GJB6: variants seen among roughly 807,000 people sequenced by gnomAD.
The protein encoded by GJB6 is gap junction beta-6 protein.
In GJB6, 5 loss-of-function variants were observed where a neutral mutation model predicts 5.4. The observed-to-expected ratio is 0.92, with a 90% CI of 0.48 to 1.93. The LOEUF (loss-of-function observed/expected upper bound fraction) is 1.93, where lower values mean the gene tolerates loss of function less well. Ranked by LOEUF, GJB6 falls within the 30% of genes most tolerant of loss-of-function variation. The pLI is 0.01. For missense variants in GJB6, 298 were observed against 326.9 expected (o/e 0.91, Z 0.68); for synonymous variants, 136 against 129.6 (o/e 1.05, Z -0.34).
rs1355233247 is a variant in GJB6 at position 20,223,294 on chromosome 13, C to T, written c.187G>A (p.Val63Met). The stretch of plus-strand genomic sequence containing the variant: ...ACCGGGAAAAAGTGGTCATAGCACA[C>T]ATTTTTGCATCCCGGTTGCAGTGTG... ...CNTLQPGCKN[V>M]CYDHFFPVSH... The change falls in exon 5 of 5, where the codon GTG becomes ATG. Residue 63 changes from valine (V) to methionine (M), a missense_variant. Val to Met is a conservative substitution (Grantham distance 21). Coordinates refer to ENST00000647029, the MANE Select transcript of GJB6 (RefSeq NM_001110219.3). 1 of 1,613,938 alleles carries T rather than the reference C, an allele frequency of 6.2e-7. No individual in the cohort carries two copies. Among genetic ancestry groups the T allele is most frequent in the African/African-American group, 1.3e-5 (1 of 74,942 alleles).
rs534984360 is a variant in GJB6 at position 20,228,635 on chromosome 13, C to T, written c.-16+945G>A. Among the ~76,000 whole-genome samples, 7 of 151,110 alleles carry T rather than the reference C, an allele frequency of 4.6e-5. No homozygotes were observed. In the East Asian group the frequency reaches 9.7e-4, roughly 21 times the overall value. On this transcript the variant is annotated intron_variant, in intron 4 of 4. Transcript: ENST00000647029. Reference sequence around the variant, plus strand: ...GAGCAGCTGGGACTACAGGCGCCTGCCACCAAGCCCGGCTAATTTTTTGTA... The same window carrying T: ...GAGCAGCTGGGACTACAGGCGCCTGTCACCAAGCCCGGCTAATTTTTTGTA...
intron 4 of GJB6, among the ~76,000 whole-genome samples, chr13:20,227,693 C>T (rs1022626579): frequency 1.3e-5 from 2 of 152,214 alleles, no homozygotes; most frequent in African/African-American, 4.8e-5. Flanking sequence ...TGCAGGCCAA[C>T]AGCCAGGGAG....
rs897732113 is a variant in GJB6 at position 20,232,251 on chromosome 13, C to G, written c.-477G>C. 6.6e-6 allele frequency: 1 copy of G among 152,122 alleles called. No individual in the cohort carries two copies. Among genetic ancestry groups the G allele is most frequent in the Non-Finnish European group, 1.5e-5 (1 of 68,010 alleles). 9.4% of individuals were successfully genotyped at this position (152,122 alleles called of 1,614,324 possible). ...CTGCGCGGGGCGGCGCCCTTCGCTCCGGCTGGGCAGGCAGGTCGGGCTCGG... is the reference window on the plus strand; with the variant it reads ...CTGCGCGGGGCGGCGCCCTTCGCTCGGGCTGGGCAGGCAGGTCGGGCTCGG... On this transcript the variant is annotated 5_prime_UTR_variant, in exon 1 of 5. Coordinates refer to ENST00000647029, the MANE Select transcript of GJB6 (RefSeq NM_001110219.3).
At chr13:20,229,147 A>AAAAT (rs1566542688) in intron 4 of GJB6, among the ~76,000 whole-genome samples, 13 of 89,196 alleles carry the variant, frequency 1.5e-4, no homozygotes, top group African/African-American at 7.6e-4. Context: ...AAAAAAAAAA[A>AAAAT]AAATTTTTTT....
At position 20,226,906 on chromosome 13, in the gene GJB6, G is replaced by A. The variant is rs951237556; in HGVS notation, c.-16+2674C>T. 2.6e-5 allele frequency among the ~76,000 whole-genome samples: 4 copies of A among 152,106 alleles called. No individual in the cohort carries two copies. The South Asian group carries it at 8.3e-4, about 32-fold the overall frequency. Reference sequence around the variant, plus strand: ...GCAGGTGAGACAGCTGTGTTCTCTCGGTTCTCTAGCCCGTGGCCTGCCTGA... The same window carrying A: ...GCAGGTGAGACAGCTGTGTTCTCTCAGTTCTCTAGCCCGTGGCCTGCCTGA... On this transcript the variant is annotated intron_variant, in intron 4 of 4. Transcript: ENST00000647029.
chr13:20,223,469 C>T lies in GJB6; in HGVS notation c.12G>A (p.Gly4=), dbSNP rs1486577990. 1.2e-6 allele frequency: 2 copies of T among 1,613,864 alleles called. No individual in the cohort carries two copies. Among genetic ancestry groups the T allele is most frequent in the Non-Finnish European group, 8.5e-7 (1 of 1,179,892 alleles). MDW[G]TLHTFIGGVN... is the part of the protein sequence containing the mutation. The stretch of plus-strand genomic sequence containing the variant: ...CACCCCCGATGAAAGTGTGCAGCGT[C>T]CCCCAATCCATTGCGCTGGTTTATC... The change falls in exon 5 of 5, where the codon GGG becomes GGA. Residue 4 remains glycine, a synonymous_variant. Transcript: ENST00000647029.
At chr13:20,227,813 GGCTGCCCCAGGAGAC>G (rs1869700636) in intron 4 of GJB6, among the ~76,000 whole-genome samples, 1 of 152,326 alleles carries the variant, frequency 6.6e-6, no homozygotes, top group East Asian at 1.9e-4. Context: ...GGCCAGGCCT[GGCTGCCCCAGGAGAC>G]GCTCCCATTC....
intron 4 of GJB6, among the ~76,000 whole-genome samples, chr13:20,228,705 C>T (rs12870711): frequency 0.22 from 32,658 of 149,976 alleles, 3,840 homozygotes; most frequent in Non-Finnish European, 0.25. Context: ...AGGATGGTCT[C>T]GATCTCCTGA....
intron 4 of GJB6, among the ~76,000 whole-genome samples, chr13:20,226,481 T>C (rs1255574377): frequency 1.3e-5 from 2 of 152,152 alleles, no homozygotes; most frequent in African/African-American, 4.8e-5. Flanking sequence ...ATACAACATA[T>C]TTCACAGCCA....
At chr13:20,224,503 G>T (rs912500136) in intron 4 of GJB6, among the ~76,000 whole-genome samples, 1 of 152,064 alleles carries the variant, frequency 6.6e-6, no homozygotes, top group Non-Finnish European at 1.5e-5. Flanking sequence ...CTCCCCAGCG[G>T]GTCCTGTTTG....
At position 20,223,249 on chromosome 13, in the gene GJB6, C is replaced by T. The variant is rs1332403559; in HGVS notation, c.232G>A (p.Ala78Thr). The T allele has an allele frequency of 1.9e-6, 3 of 1,611,000 alleles. No homozygotes were observed. The highest frequency in any genetic ancestry group is 2.7e-5 in the African/African-American group (2 of 74,900). ...FFPVSHIRLW[A>T]LQLIFVSTPA... The stretch of plus-strand genomic sequence containing the variant: ...GTGGAGACGAAGATCAGCTGGAGGG[C>T]CCACAGCCGGATGTGGGACACCGGG... Residue 78 changes from alanine (A) to threonine (T), a missense_variant, in exon 5 of 5, where the codon GCC (alanine) becomes ACC (threonine). Physicochemically the swap from Ala to Thr is moderately conservative, Grantham distance 58. Coordinates refer to ENST00000647029, the MANE Select transcript of GJB6 (RefSeq NM_001110219.3).
chr13:20,226,194 C>T (rs1869566285), intron 4 of GJB6, among the ~76,000 whole-genome samples: 1 of 151,676 alleles, frequency 6.6e-6, no homozygotes, highest in African/African-American at 2.4e-5. Flanking sequence ...AGGGCGGTGA[C>T]CCTGGAATGT....
Position 20,222,969 on chromosome 13 carries a change from A to G in GJB6, c.512T>C (p.Ile171Thr). 1 of 1,614,174 alleles carries G rather than the reference A, an allele frequency of 6.2e-7. No individual in the cohort carries two copies. Among genetic ancestry groups the G allele is most frequent in the African/African-American group, 1.3e-5 (1 of 75,036 alleles). Residue 171 changes from isoleucine to threonine, a missense_variant, in exon 5 of 5, where the codon ATT becomes ACT. Transcript: ENST00000647029. Reference protein sequence around the residue: ...YHLPWVLKCGIDPCPNLVDCF... With the variant: ...YHLPWVLKCGTDPCPNLVDCF... ...GTCAACAAGGTTGGGGCAGGGGTCA[A>G]TCCCACATTTCAACACCCAGGGCAG...
chr13:20,222,967 C>G lies in GJB6; in HGVS notation c.514G>C (p.Asp172His). The G allele has an allele frequency of 6.2e-7, 1 of 1,614,114 alleles. No homozygotes were observed. The highest frequency in any genetic ancestry group is 1.6e-4 in the Middle Eastern group (1 of 6,062). ...CAGTCAACAAGGTTGGGGCAGGGGT[C>G]AATCCCACATTTCAACACCCAGGGC... ...HLPWVLKCGI[D>H]PCPNLVDCFI... Residue 172 changes from aspartate (D) to histidine (H), a missense_variant, in exon 5 of 5, where the codon GAC becomes CAC. By Grantham distance (81) the Asp-to-His change is moderately conservative (BLOSUM62 -1). Coordinates refer to ENST00000647029, the MANE Select transcript of GJB6 (RefSeq NM_001110219.3).
intron 4 of GJB6, 39 bp from the exon 5 acceptor site, chr13:20,223,534 G>A (rs1057393863): frequency 4.7e-6 from 7 of 1,496,212 alleles, no homozygotes; most frequent in Non-Finnish European, 6.5e-6. Context: ...ATTAGTGGAA[G>A]AGGCCTTGGG....
At chr13:20,228,891 T>C (rs557371960) in intron 4 of GJB6, among the ~76,000 whole-genome samples, 2 of 152,240 alleles carry the variant, frequency 1.3e-5, no homozygotes, top group African/African-American at 4.8e-5. Context: ...TGAAGATAGG[T>C]TGTTCTTTCC....
In GJB6 at chr13:20,229,049, A is replaced by T. The variant is rs561872244; in HGVS notation, c.-16+531T>A. 2.2e-3 allele frequency among the ~76,000 whole-genome samples: 321 copies of T among 145,252 alleles called. 3 individuals are homozygous for T. Among genetic ancestry groups the T allele is most frequent in the Non-Finnish European group, 3.8e-3 (254 of 66,760 alleles). On this transcript the variant is annotated intron_variant, in intron 4 of 4. Transcript: ENST00000647029. The stretch of plus-strand genomic sequence containing the variant: ...TCACTAATGACAGAACCAAAACTAA[A>T]GCCCCCAAAGTTAGAGTGTAACCCC...
intron 4 of GJB6, among the ~76,000 whole-genome samples, chr13:20,223,745 C>T (rs1869389431): frequency 6.6e-6 from 1 of 152,034 alleles, no homozygotes; most frequent in Non-Finnish European, 1.5e-5. Context: ...GCGGGCAGAT[C>T]ATGAGGTCAG....
chr13:20,226,682 T>C (rs1180080474), intron 4 of GJB6, among the ~76,000 whole-genome samples: 1 of 152,246 alleles, frequency 6.6e-6, no homozygotes, highest in Non-Finnish European at 1.5e-5. Context: ...TCTTGATGTG[T>C]AAACATATTT....
Sources: gnomAD v4.1 joint callset for allele counts (sites outside exome capture counted in the v4.1 genomes callset) on GRCh38, gnomAD v4.1.1 for gene constraint, MANE v1.5 for transcripts, NCBI Gene and HGNC (gene_info 2026-07-23, HGNC 2026-07-21) for gene names.